TNKS: variants seen among roughly 807,000 people sequenced by gnomAD.
TNKS encodes the protein poly [ADP-ribose] polymerase tankyrase-1.
Under a neutral mutation model 135.8 loss-of-function variants are expected in TNKS, and 72 were observed. The observed-to-expected ratio is 0.53, with a 90% CI of 0.44 to 0.64. The LOEUF is 0.64. Ranked by LOEUF, TNKS falls within the 30% of genes least tolerant of loss-of-function variation. The pLI is 0.00. For synonymous variants in TNKS, 849 were observed against 649.3 expected, an observed-to-expected ratio of 1.31 and a Z score of -4.68; for missense variants, 1,769 against 1,674.0, an observed-to-expected ratio of 1.06 and a Z score of -0.99.
intron 2 of TNKS, among the ~76,000 whole-genome samples, chr8:9,607,210 T>C (rs1799259696): frequency 6.6e-6 from 1 of 152,196 alleles, no homozygotes; most frequent in African/African-American, 2.4e-5. Context: ...AAAATTGTTT[T>C]CCAAAACAAA....
intron 2 of TNKS, among the ~76,000 whole-genome samples, chr8:9,604,005 T>G (rs1375574513): frequency 6.6e-6 from 1 of 152,086 alleles, no homozygotes; most frequent in Admixed American, 6.5e-5. Flanking sequence ...TAAAAAGAAA[T>G]AAAAAGAGGA....
intron 3 of TNKS, among the ~76,000 whole-genome samples, chr8:9,639,798 G>A (rs1224267941): frequency 6.6e-6 from 1 of 152,050 alleles, no homozygotes; most frequent in African/African-American, 2.4e-5. Flanking sequence ...GGAAGCAAAA[G>A]GGCTTCTTTG....
Position 9,766,226 on chromosome 8 carries a change from T to G in TNKS, c.3554-13T>G, listed in dbSNP as rs755310090. The G allele has an allele frequency of 6.3e-7, 1 of 1,593,042 alleles. No individual in the cohort carries two copies. The highest frequency in any genetic ancestry group is 1.1e-5 in the South Asian group (1 of 88,872). ...GTGTTCAAAAACGAATCTTTCTGTC[T>G]TCGTATTTCTAGGTTCTCCTTTCAT... On this transcript the variant is annotated splice_polypyrimidine_tract_variant and intron_variant, in intron 24 of 26. Transcript: ENST00000310430.
intron 11 of TNKS, among the ~76,000 whole-genome samples, chr8:9,716,161 T>C (rs576830644): frequency 3.3e-5 from 5 of 152,190 alleles, no homozygotes; most frequent in African/African-American, 9.6e-5. Flanking sequence ...TAAGAAGATA[T>C]TGTGACATAA....
Position 9,609,892 on chromosome 8 carries a change from C to CT in TNKS, c.899-5689dup, listed in dbSNP as rs562161860. 4.6e-5 allele frequency among the ~76,000 whole-genome samples: 7 copies of CT among 152,210 alleles called. No homozygotes were observed. The South Asian group carries it at 1.5e-3, about 32-fold the overall frequency. On this transcript the variant is annotated intron_variant, in intron 2 of 26. Transcript: ENST00000310430. ...TTTCTTTTTGAAGTGGAGTCTCGCT[C>CT]TGTCGGCCAGGCTGGAGTGCAGTGG...
At chr8:9,657,669 C>T (rs1363510838) in intron 3 of TNKS, among the ~76,000 whole-genome samples, 1 of 86,082 alleles carries the variant, frequency 1.2e-5, no homozygotes, top group African/African-American at 4.6e-5. Context: ...CCCCATCTCC[C>T]TCCCGGACGG....
At chr8:9,713,718 C>T (rs1235115794) in intron 11 of TNKS, among the ~76,000 whole-genome samples, 1 of 152,146 alleles carries the variant, frequency 6.6e-6, no homozygotes, top group African/African-American at 2.4e-5. Flanking sequence ...ATATCAAATG[C>T]CGTAGCAACT....
chr8:9,670,673 G>C (rs535458561), intron 3 of TNKS: 1 of 152,230 alleles, frequency 6.6e-6, no homozygotes, highest in African/African-American at 2.4e-5. Flanking sequence ...AGTTGGTGGT[G>C]TTAGCTTTTG....
chr8:9,598,806 TATATATATATATGA>T (rs1798906400), intron 2 of TNKS, among the ~76,000 whole-genome samples: 1 of 113,330 alleles, frequency 8.8e-6, no homozygotes, highest in Non-Finnish European at 1.9e-5. Flanking sequence ...TATATATATA[TATATATATATATGA>T]ATGAATTGGT....
At chr8:9,720,838 A>C (rs1804840840) in intron 12 of TNKS, among the ~76,000 whole-genome samples, 2 of 152,234 alleles carry the variant, frequency 1.3e-5, no homozygotes, top group East Asian at 3.8e-4. Context: ...TATGGTAGCT[A>C]TAAAATCTAT....
chr8:9,674,418 A>T (rs980065784), intron 3 of TNKS, among the ~76,000 whole-genome samples: 1 of 152,180 alleles, frequency 6.6e-6, no homozygotes, highest in Non-Finnish European at 1.5e-5. Flanking sequence ...AAAAAAGCTT[A>T]TGTTTTGGTA....
chr8:9,647,229 T>C (rs1384572795), intron 3 of TNKS, among the ~76,000 whole-genome samples: 1 of 152,188 alleles, frequency 6.6e-6, no homozygotes, highest in Non-Finnish European at 1.5e-5. Flanking sequence ...TTTGTTCACT[T>C]TTTGCGTAAT....
At chr8:9,615,713 G>A (rs764550013) in intron 3 of TNKS, 36 bp downstream of exon 3, 2 of 1,499,556 alleles carry the variant, frequency 1.3e-6, no homozygotes, top group Middle Eastern at 1.7e-4. Flanking sequence ...GATTATATCT[G>A]TGTAACTCCT....
intron 1 of TNKS, among the ~76,000 whole-genome samples, chr8:9,578,683 A>G (rs2129053050): frequency 6.6e-6 from 1 of 152,266 alleles, no homozygotes; most frequent in South Asian, 2.1e-4. Flanking sequence ...TATTTGTTTA[A>G]CATATGCCCA....
chr8:9,638,259 G>A (rs1800589482), intron 3 of TNKS, among the ~76,000 whole-genome samples: 1 of 152,196 alleles, frequency 6.6e-6, no homozygotes, highest in Admixed American at 6.5e-5. Flanking sequence ...ACAGATACAA[G>A]GTGCTGCCTC....
At chr8:9,643,881 C>T (rs1800813505) in intron 3 of TNKS, among the ~76,000 whole-genome samples, 1 of 152,098 alleles carries the variant, frequency 6.6e-6, no homozygotes, top group South Asian at 2.1e-4. Context: ...AGGTGTCCAT[C>T]AAGAGATAAA....
chr8:9,747,617 A>G (rs867066545), intron 17 of TNKS, among the ~76,000 whole-genome samples: 1 of 152,264 alleles, frequency 6.6e-6, no homozygotes, highest in Non-Finnish European at 1.5e-5. Context: ...AAGAGAATCA[A>G]TGTGAATAGA....
intron 11 of TNKS, among the ~76,000 whole-genome samples, chr8:9,719,012 C>G (rs1804739314): frequency 6.6e-6 from 1 of 152,118 alleles, no homozygotes; most frequent in African/African-American, 2.4e-5. Flanking sequence ...TTAGATTTTT[C>G]TTTTGTGCTG....
chr8:9,609,981 C>T (rs1378768120), intron 2 of TNKS, among the ~76,000 whole-genome samples: 1 of 152,146 alleles, frequency 6.6e-6, no homozygotes, highest in Non-Finnish European at 1.5e-5. Flanking sequence ...CCTCAGCCTC[C>T]CGAGTAGCTG....
Sources: allele counts gnomAD v4.1 joint callset (sites outside exome capture counted in the v4.1 genomes callset), GRCh38; gene constraint gnomAD v4.1.1; transcripts MANE v1.5; gene names NCBI Gene and HGNC (gene_info 2026-07-23, HGNC 2026-07-21).